The following MED27 variants were observed in gnomAD, a reference collection of about 807,000 sequenced individuals.
MED27 encodes mediator of RNA polymerase II transcription subunit 27.
Under a neutral mutation model 38.2 loss-of-function variants are expected in MED27, and 30 were observed. The observed-to-expected ratio is 0.79, with a 90% confidence interval of 0.59 to 1.07. The LOEUF (loss-of-function observed/expected upper bound fraction) is 1.07, where lower values mean the gene tolerates loss of function less well. MED27 is among the 50% of genes least tolerant of loss of function. The pLI, the probability that MED27 is intolerant of heterozygous loss-of-function variation, is 0.00. For synonymous variants in MED27, 122 were observed against 153.5 expected (o/e 0.79, Z 1.52); for missense variants, 289 against 397.5 (o/e 0.73, Z 2.32).
intron 2 of MED27, among the ~76,000 whole-genome samples, chr9:132,070,883 T>C (rs1190862565): frequency 6.6e-6 from 1 of 150,706 alleles, no homozygotes; most frequent in African/African-American, 2.4e-5. Context: ...TTCATATTAA[T>C]GTGTGAATTG....
intron 3 of MED27, among the ~76,000 whole-genome samples, chr9:131,968,596 G>C (rs1235590744): frequency 6.6e-6 from 1 of 152,090 alleles, no homozygotes; most frequent in Non-Finnish European, 1.5e-5. Context: ...CATTACTAAG[G>C]GGCAGAGATG....
chr9:131,961,294 G>A (rs1043206202), intron 3 of MED27, among the ~76,000 whole-genome samples: 1 of 152,210 alleles, frequency 6.6e-6, no homozygotes, highest in Non-Finnish European at 1.5e-5. Context: ...TTGTTTCAGA[G>A]ACAGAAGCTT....
intron 3 of MED27, among the ~76,000 whole-genome samples, chr9:131,954,886 T>C (rs892221694): frequency 2.0e-5 from 3 of 152,132 alleles, no homozygotes; most frequent in Non-Finnish European, 2.9e-5. Context: ...TCCTAAAAAA[T>C]AGTCAATACC....
intron 6 of MED27, among the ~76,000 whole-genome samples, chr9:131,880,885 A>T (rs867782482): frequency 6.6e-6 from 1 of 152,208 alleles, no homozygotes; most frequent in African/African-American, 2.4e-5. Context: ...TGCATTAAAA[A>T]ATACTTAATA....
intron 4 of MED27, among the ~76,000 whole-genome samples, chr9:131,931,970 G>A (rs1045506576): frequency 2.0e-5 from 3 of 152,010 alleles, no homozygotes; most frequent in South Asian, 4.2e-4. Flanking sequence ...AACATCAGAC[G>A]TAACCTGGAC....
At chr9:132,046,064 GTTTATGT>G (rs1833330998) in intron 2 of MED27, among the ~76,000 whole-genome samples, 1 of 152,186 alleles carries the variant, frequency 6.6e-6, no homozygotes, top group South Asian at 2.1e-4. Context: ...ATTTTGAGAG[GTTTATGT>G]TATTTTATAG....
chr9:131,904,633 A>G (rs948805306), intron 4 of MED27, among the ~76,000 whole-genome samples: 4 of 151,982 alleles, frequency 2.6e-5, no homozygotes, highest in Admixed American at 2.0e-4. Context: ...TGCTGGGATT[A>G]CAGGTGTGAG....
At chr9:132,061,339 A>G (rs1378038054) in intron 2 of MED27, among the ~76,000 whole-genome samples, 3 of 152,170 alleles carry the variant, frequency 2.0e-5, no homozygotes, top group Admixed American at 6.5e-5. Context: ...GCATGGTTAG[A>G]ACTGGAGGTG....
chr9:132,028,024 GCA>G (rs1433881783), intron 2 of MED27, among the ~76,000 whole-genome samples: 2 of 152,084 alleles, frequency 1.3e-5, no homozygotes, highest in Admixed American at 6.5e-5. Flanking sequence ...GAGTCACAGG[GCA>G]CACACACAGC....
chr9:131,917,073 G>A lies in MED27; in HGVS notation c.573+22308C>T, dbSNP rs1285083637. Among the ~76,000 whole-genome samples, 1 of 152,196 alleles carries A rather than the reference G, an allele frequency of 6.6e-6. No individual in the cohort carries two copies. The highest frequency in any genetic ancestry group is 1.5e-5 in the Non-Finnish European group (1 of 68,030). On this transcript the variant is annotated intron_variant, in intron 4 of 7. Transcript: ENST00000292035. The surrounding 1 kb of genome is among the most constrained non-coding windows in gnomAD (Gnocchi z 4.6). ...GCAGGTACAAAGCATAAAAGCACCA[G>A]GCATGGGAATCTTGTTCCTAAGGAG...
intron 3 of MED27, among the ~76,000 whole-genome samples, chr9:131,973,035 A>G (rs1831515058): frequency 6.6e-6 from 1 of 152,254 alleles, no homozygotes; most frequent in South Asian, 2.1e-4. Context: ...AGAAAATTTC[A>G]AACACTCAAA....
intron 3 of MED27, among the ~76,000 whole-genome samples, chr9:131,964,687 A>G (rs1831303140): frequency 6.6e-6 from 1 of 152,220 alleles, no homozygotes; most frequent in South Asian, 2.1e-4. Flanking sequence ...ACCTTGAACC[A>G]AGGACGTGCA....
intron 2 of MED27, among the ~76,000 whole-genome samples, chr9:132,052,605 A>G (rs1187616636): frequency 6.6e-6 from 1 of 151,956 alleles, no homozygotes. Context: ...TTTCAGCGTA[A>G]CCATCACCTG....
chr9:131,997,087 G>A lies in MED27; in HGVS notation c.479+17250C>T, dbSNP rs1003516962. On this transcript the variant is annotated intron_variant, in intron 3 of 7. Transcript: ENST00000292035. This position sits in a 1 kb window ranked among gnomAD's most constrained non-coding sequence, Gnocchi z 4.0. ...TGTAGTTTAACAGTGGGTATTCATT[G>A]TAAAAAATAAAATTAAAATTAAAAG... Among the ~76,000 whole-genome samples, 2 of 152,124 alleles carry A rather than the reference G, an allele frequency of 1.3e-5. No individual in the cohort carries two copies. The highest frequency in any genetic ancestry group is 2.9e-5 in the Non-Finnish European group (2 of 68,014).
chr9:132,036,632 A>C (rs1288801088), intron 2 of MED27, among the ~76,000 whole-genome samples: 1 of 152,078 alleles, frequency 6.6e-6, no homozygotes, highest in Non-Finnish European at 1.5e-5. Flanking sequence ...AAGTGATTTA[A>C]CCTCTCTTTA....
At position 132,032,411 on chromosome 9, in the gene MED27, AT is replaced by A. The variant is rs1318634020; in HGVS notation, c.349-17945del. ...ACCACCTGTCAAGCCCACACATTTG[AT>A]TTTTTTTTCTTCTTTCTGAAAGAGC... On this transcript the variant is annotated intron_variant, in intron 2 of 7. Transcript: ENST00000292035. 4.0e-5 allele frequency among the ~76,000 whole-genome samples: 6 copies of A among 151,576 alleles called. No homozygotes were observed. The South Asian group carries it at 1.3e-3, about 32-fold the overall frequency.
chr9:131,990,216 A>C (rs1450237148), intron 3 of MED27, among the ~76,000 whole-genome samples: 1 of 152,076 alleles, frequency 6.6e-6, no homozygotes, highest in Non-Finnish European at 1.5e-5. Context: ...GGCCCTTAAC[A>C]ATGCTTTTTC....
At chr9:131,961,527 C>A (rs1228041800) in intron 3 of MED27, among the ~76,000 whole-genome samples, 3 of 152,238 alleles carry the variant, frequency 2.0e-5, no homozygotes, top group South Asian at 2.1e-4. Context: ...AACTTTTCAT[C>A]ATCTTCATGA....
intron 2 of MED27, among the ~76,000 whole-genome samples, chr9:132,044,471 G>A (rs1214273052): frequency 6.6e-6 from 1 of 152,272 alleles, no homozygotes; most frequent in Non-Finnish European, 1.5e-5. Flanking sequence ...GAGATGGAGA[G>A]AGTAACCATG....
Sources: allele counts gnomAD v4.1 joint callset (sites outside exome capture counted in the v4.1 genomes callset), GRCh38; gene constraint gnomAD v4.1.1; non-coding constraint Gnocchi (gnomAD v3.1); transcripts MANE v1.5; gene names NCBI Gene and HGNC (gene_info 2026-07-23, HGNC 2026-07-21).